ZHX3: variants seen among roughly 807,000 people sequenced by gnomAD.
ZHX3 encodes zinc fingers and homeoboxes protein 3.
ZHX3 carries 20 observed loss-of-function variants against 64.5 expected under a neutral mutation model. That is an observed-to-expected ratio of 0.31 (90% CI 0.22 to 0.45). The LOEUF is 0.45. Ranked by LOEUF, ZHX3 falls within the 20% of genes least tolerant of loss-of-function variation. The pLI is 1.00. For synonymous variants in ZHX3, 423 were observed against 461.6 expected (o/e 0.92, Z 1.07); for missense variants, 1,041 against 1,195.8 (o/e 0.87, Z 1.91).
intron 1 of ZHX3, among the ~76,000 whole-genome samples, chr20:41,279,002 C>A (rs1396611079): frequency 6.6e-6 from 1 of 152,190 alleles, no homozygotes; most frequent in Non-Finnish European, 1.5e-5. Flanking sequence ...TGGCCTCAAT[C>A]TCCTGACCTC....
intron 2 of ZHX3, among the ~76,000 whole-genome samples, chr20:41,262,377 CTCATCTCCA>C (rs1478051883): frequency 6.6e-6 from 1 of 152,180 alleles, no homozygotes; most frequent in Non-Finnish European, 1.5e-5. Flanking sequence ...CTTGTCCAGC[CTCATCTCCA>C]TCATCTCCAG....
At chr20:41,237,507 G>A (rs539939973) in intron 2 of ZHX3, among the ~76,000 whole-genome samples, 70 of 152,190 alleles carry the variant, frequency 4.6e-4, no homozygotes, top group East Asian at 3.5e-3. Flanking sequence ...GCAAACTATC[G>A]CAAGGACAAA....
intron 2 of ZHX3, among the ~76,000 whole-genome samples, chr20:41,256,274 A>G (rs1265517802): frequency 6.6e-6 from 1 of 152,076 alleles, no homozygotes; most frequent in Non-Finnish European, 1.5e-5. Flanking sequence ...GCTTACTGCT[A>G]TGTTTTTAGG....
At chr20:41,304,002 C>G (rs916646041) in intron 1 of ZHX3, among the ~76,000 whole-genome samples, 1 of 152,198 alleles carries the variant, frequency 6.6e-6, no homozygotes, top group Non-Finnish European at 1.5e-5. Context: ...GAGCTAAATC[C>G]AATGGACAAC....
intron 2 of ZHX3, among the ~76,000 whole-genome samples, chr20:41,261,264 A>G (rs766854844): frequency 1.4e-4 from 22 of 152,358 alleles, no homozygotes; most frequent in Middle Eastern, 3.4e-3. Context: ...TTTAAATAAC[A>G]GAAGTCTAGA....
intron 1 of ZHX3, among the ~76,000 whole-genome samples, chr20:41,273,724 T>C (rs1464693874): frequency 6.6e-6 from 1 of 152,228 alleles, no homozygotes; most frequent in East Asian, 1.9e-4. Flanking sequence ...CTTATGCTTA[T>C]ACCTATTTTG....
At chr20:41,255,925 C>T (rs907309067) in intron 2 of ZHX3, among the ~76,000 whole-genome samples, 8 of 152,152 alleles carry the variant, frequency 5.3e-5, no homozygotes, top group Non-Finnish European at 1.2e-4. Flanking sequence ...ACTCACTAAG[C>T]CTTACCAAAG....
intron 3 of ZHX3, among the ~76,000 whole-genome samples, chr20:41,189,613 CCTT>C (rs1380569655): frequency 6.6e-6 from 1 of 151,938 alleles, no homozygotes; most frequent in Non-Finnish European, 1.5e-5. Flanking sequence ...AATCAGATTA[CCTT>C]CTTGATTTCT....
At chr20:41,239,590 G>A (rs1462237618) in intron 2 of ZHX3, 2 of 152,274 alleles carry the variant, frequency 1.3e-5, no homozygotes, top group Admixed American at 1.3e-4. Context: ...AACAGGTGTG[G>A]GGTTTACCTG....
chr20:41,234,798 C>T (rs576820438), intron 2 of ZHX3, among the ~76,000 whole-genome samples: 9 of 152,330 alleles, frequency 5.9e-5, no homozygotes, highest in African/African-American at 1.9e-4. Context: ...GCTGGCTGCT[C>T]GGCCAGGCCT....
At chr20:41,242,541 T>TTCACA (rs2041449679) in intron 2 of ZHX3, among the ~76,000 whole-genome samples, 1 of 152,226 alleles carries the variant, frequency 6.6e-6, no homozygotes, top group Non-Finnish European at 1.5e-5. Flanking sequence ...GTTAGCTTTG[T>TTCACA]GAACCCTGTG....
intron 1 of ZHX3, among the ~76,000 whole-genome samples, chr20:41,288,765 C>T (rs2044067867): frequency 6.6e-6 from 1 of 152,168 alleles, no homozygotes; most frequent in African/African-American, 2.4e-5. Context: ...TTCTCCATCA[C>T]TAGAGGTGTT....
intron 1 of ZHX3, among the ~76,000 whole-genome samples, chr20:41,293,097 C>A (rs1169615539): frequency 1.3e-5 from 2 of 152,158 alleles, no homozygotes; most frequent in Non-Finnish European, 2.9e-5. Context: ...ATGGGTACAG[C>A]ACAGCTACCC....
chr20:41,266,289 C>T (rs1358635585), intron 2 of ZHX3, among the ~76,000 whole-genome samples: 1 of 152,082 alleles, frequency 6.6e-6, no homozygotes, highest in East Asian at 1.9e-4. Context: ...GTCAAGATGG[C>T]TCAGTGTCAC....
At chr20:41,297,987 G>A (rs1391065685) in intron 1 of ZHX3, among the ~76,000 whole-genome samples, 2 of 152,162 alleles carry the variant, frequency 1.3e-5, no homozygotes, top group Non-Finnish European at 2.9e-5. Flanking sequence ...TAAAGATATA[G>A]AGCTAAGGAC....
chr20:41,189,494 C>T (rs979931930), intron 3 of ZHX3, among the ~76,000 whole-genome samples: 7 of 151,960 alleles, frequency 4.6e-5, no homozygotes, highest in African/African-American at 1.7e-4. Context: ...CATTTGTGTC[C>T]TCTTCAGTTT....
At chr20:41,282,072 G>C (rs1021214698) in intron 1 of ZHX3, among the ~76,000 whole-genome samples, 1 of 152,128 alleles carries the variant, frequency 6.6e-6, no homozygotes, top group Non-Finnish European at 1.5e-5. Flanking sequence ...CCAGGTTCCT[G>C]ACTTTAACAA....
intron 2 of ZHX3, among the ~76,000 whole-genome samples, chr20:41,206,356 G>C (rs1299038528): frequency 6.6e-6 from 1 of 152,172 alleles, no homozygotes; most frequent in Non-Finnish European, 1.5e-5. Context: ...AAACTTCTCT[G>C]AGCTAAAGGA....
rs1389289458 is a variant in ZHX3, at chr20:41,181,800, T to C, written c.*3391A>G. The C allele has an allele frequency of 6.6e-6, 1 of 152,234 alleles. No individual in the cohort carries two copies. Among genetic ancestry groups the C allele is most frequent in the African/African-American group, 2.4e-5 (1 of 41,462 alleles). 9.4% of individuals were successfully genotyped at this position (152,234 alleles called of 1,614,324 possible). A position where few individuals can be genotyped will look rare whatever the true frequency, so the allele number is the denominator to read the frequency against. ...AGCTGGAGATGAGACCACTAGTACA[T>C]GTGTGAGCCCGCAAGGCACTACCCA... On this transcript the variant is annotated 3_prime_UTR_variant, in exon 4 of 4. Coordinates refer to ENST00000683867, the MANE Select transcript of ZHX3 (RefSeq NM_001384317.1).
Sources: allele counts gnomAD v4.1 joint callset (sites outside exome capture counted in the v4.1 genomes callset), GRCh38; gene constraint gnomAD v4.1.1; transcripts MANE v1.5; gene names NCBI Gene and HGNC (gene_info 2026-07-23, HGNC 2026-07-21).